The following ARID5B variants were observed in gnomAD, a reference collection of about 807,000 sequenced individuals.
ARID5B encodes AT-rich interactive domain-containing protein 5B.
In ARID5B, 13 loss-of-function variants were observed where a neutral mutation model predicts 97.2. That is an observed-to-expected ratio of 0.13 (90% CI 0.09 to 0.21). ARID5B has a LOEUF of 0.21. ARID5B is among the 10% of genes least tolerant of loss of function. The pLI, the probability that ARID5B is intolerant of heterozygous loss-of-function variation, is 1.00. For synonymous variants in ARID5B, 556 were observed against 570.3 expected, an observed-to-expected ratio of 0.97 and a Z score of 0.36; for missense variants, 1,210 against 1,465.3, an observed-to-expected ratio of 0.83 and a Z score of 2.84.
Position 62,085,902 on chromosome 10 carries a change from T to C in ARID5B, c.1398+2T>C. ...CCAAAGCCCCAGGATGCAGCAGAGG[T>C]GAGTTGCTTTGCTCCATAGAAATAC... On this transcript the variant is annotated splice_donor_variant, in intron 9 of 9. Coordinates refer to ENST00000279873, the MANE Select transcript of ARID5B (RefSeq NM_032199.3). LOFTEE classifies it high-confidence loss of function. 1 of 1,608,596 alleles carries C rather than the reference T, an allele frequency of 6.2e-7. No individual in the cohort carries two copies. The highest frequency in any genetic ancestry group is 8.5e-7 in the Non-Finnish European group (1 of 1,178,730).
intron 2 of ARID5B, among the ~76,000 whole-genome samples, chr10:61,905,225 A>C (rs1469356693): frequency 6.6e-6 from 1 of 152,254 alleles, no homozygotes; most frequent in Non-Finnish European, 1.5e-5. Flanking sequence ...GTTTATTTTA[A>C]GTAACCAAAT....
intron 2 of ARID5B, among the ~76,000 whole-genome samples, chr10:61,913,794 C>G (rs1466839825): frequency 6.6e-6 from 1 of 152,128 alleles, no homozygotes; most frequent in Non-Finnish European, 1.5e-5. Flanking sequence ...TCTTTTTGCC[C>G]AGGCTGGAGT....
chr10:61,941,889 A>G (rs562887869), intron 3 of ARID5B, among the ~76,000 whole-genome samples: 1 of 152,350 alleles, frequency 6.6e-6, no homozygotes, highest in African/African-American at 2.4e-5. Flanking sequence ...CACAATAACT[A>G]GTCTTATGAC....
rs796332432 is a variant in ARID5B at position 62,071,194 on chromosome 10, C to T, written c.1199+1397C>T. On this transcript the variant is annotated intron_variant, in intron 8 of 9. Coordinates refer to ENST00000279873, the MANE Select transcript of ARID5B (RefSeq NM_032199.3). Reference sequence around the variant, plus strand: ...GGGACTACAGGCACGTGCTACCACGCCCAGCTAATTTTTGTATTTTTAGTA... The same window carrying T: ...GGGACTACAGGCACGTGCTACCACGTCCAGCTAATTTTTGTATTTTTAGTA... Among the ~76,000 whole-genome samples, 39 of 152,090 alleles carry T rather than the reference C, an allele frequency of 2.6e-4. 1 individual carries two copies. The highest frequency in any genetic ancestry group is 8.7e-4 in the African/African-American group (36 of 41,490).
At chr10:62,035,217 G>A (rs569657636) in intron 4 of ARID5B, among the ~76,000 whole-genome samples, 1 of 152,310 alleles carries the variant, frequency 6.6e-6, no homozygotes, top group East Asian at 1.9e-4. Flanking sequence ...CCTCTTTAGC[G>A]GCATTTATGT....
intron 4 of ARID5B, among the ~76,000 whole-genome samples, chr10:62,039,058 C>G (rs1293639955): frequency 6.6e-6 from 1 of 152,126 alleles, no homozygotes; most frequent in Admixed American, 6.5e-5. Context: ...AATAAGGATC[C>G]CTTTTGTGCA....
At position 62,095,541 on chromosome 10, in the gene ARID5B, C is replaced by A; in HGVS notation, c.*2511C>A. The A allele has an allele frequency of 4.3e-6, 1 of 233,638 alleles. No homozygotes were observed. 14.5% of individuals were successfully genotyped at this position (233,638 alleles called of 1,614,324 possible). A position where few individuals can be genotyped will look rare whatever the true frequency, so the allele number is the denominator to read the frequency against. ...AGTCCAGCTTTTGTTTTTCTCATCT[C>A]TTCTGAGAGGAGACTCACTGTTTCT... is the stretch of plus-strand genomic sequence containing the variant. On this transcript the variant is annotated 3_prime_UTR_variant, in exon 10 of 10. Coordinates refer to ENST00000279873, the MANE Select transcript of ARID5B (RefSeq NM_032199.3).
intron 4 of ARID5B, among the ~76,000 whole-genome samples, chr10:62,033,262 C>G (rs1039739744): frequency 1.1e-4 from 17 of 152,140 alleles, no homozygotes; most frequent in African/African-American, 4.1e-4. Context: ...GGACACTTGG[C>G]ATAGTCTCTC....
intron 3 of ARID5B, among the ~76,000 whole-genome samples, chr10:61,999,007 C>G (rs1839040209): frequency 6.6e-6 from 1 of 152,218 alleles, no homozygotes. Flanking sequence ...TATAGATGGT[C>G]ACAGCAAAGA....
chr10:61,954,280 C>T (rs1169098356), intron 3 of ARID5B, among the ~76,000 whole-genome samples: 1 of 151,782 alleles, frequency 6.6e-6, no homozygotes, highest in Admixed American at 6.6e-5. Flanking sequence ...TCACTTGAAC[C>T]TGGGGGGTGG....
At chr10:61,914,226 A>C (rs998694238) in intron 2 of ARID5B, among the ~76,000 whole-genome samples, 1 of 152,216 alleles carries the variant, frequency 6.6e-6, no homozygotes, top group Non-Finnish European at 1.5e-5. Flanking sequence ...AAAGTTGGCA[A>C]TGTTGGTAAT....
rs564799073 is a variant in ARID5B, at chr10:61,928,651, G to A, written c.277-11532G>A. Among the ~76,000 whole-genome samples the A allele has an allele frequency of 2.6e-5, 4 of 152,242 alleles. No homozygotes were observed. The South Asian group carries it at 8.3e-4, about 32-fold the overall frequency. ...TTGGTTTCCTGTTGGGATTCTGACT[G>A]ATACAAGGAGAGTCCTTGAAATCTA... On this transcript the variant is annotated intron_variant, in intron 2 of 9. Transcript: ENST00000279873.
rs570670460 is a variant in ARID5B, at chr10:61,990,281, C to T, written c.503-9810C>T. Among the ~76,000 whole-genome samples, 4 of 152,302 alleles carry T rather than the reference C, an allele frequency of 2.6e-5. No homozygotes were observed. In the South Asian group the frequency reaches 8.3e-4, roughly 32 times the overall value. ...CAGTGCAGTTGCAGAGGTGGCTCAGCACTTAGAGCATGGTGGACAAACTCC... is the reference window on the plus strand; with the variant it reads ...CAGTGCAGTTGCAGAGGTGGCTCAGTACTTAGAGCATGGTGGACAAACTCC... On this transcript the variant is annotated intron_variant, in intron 3 of 9. Coordinates refer to ENST00000279873, the MANE Select transcript of ARID5B (RefSeq NM_032199.3).
chr10:61,991,182 G>T (rs1281938353), intron 3 of ARID5B, among the ~76,000 whole-genome samples: 1 of 152,002 alleles, frequency 6.6e-6, no homozygotes, highest in Non-Finnish European at 1.5e-5. Flanking sequence ...AACTGTTTTT[G>T]AGTCCTTGTT....
At chr10:61,901,979 T>A (rs1489284481) in intron 1 of ARID5B, among the ~76,000 whole-genome samples, 180 bp from the exon 2 acceptor site, 1 of 151,116 alleles carries the variant, frequency 6.6e-6, no homozygotes, top group Non-Finnish European at 1.5e-5. Context: ...CTGAGTTTTT[T>A]TTTTTTTTTT....
At chr10:61,982,940 G>A (rs1410185098) in intron 3 of ARID5B, among the ~76,000 whole-genome samples, 2 of 152,240 alleles carry the variant, frequency 1.3e-5, no homozygotes, top group Non-Finnish European at 2.9e-5. Flanking sequence ...ATCAGAAAGA[G>A]TAAGGATGAC....
At position 61,940,396 on chromosome 10, in the gene ARID5B, A is replaced by G. The variant is rs1368129255; in HGVS notation, c.490A>G (p.Lys164Glu). The G allele has an allele frequency of 6.2e-7, 1 of 1,613,332 alleles. No homozygotes were observed. Among genetic ancestry groups the G allele is most frequent in the Non-Finnish European group, 8.5e-7 (1 of 1,179,618 alleles). ...CAACTTCAAAGACGTTCTCAAGGAG[A>G]AGGCAGACCTGGGTAAATATGACTT... is the stretch of plus-strand genomic sequence containing the variant. Reference protein sequence around the residue: ...GLNFKDVLKEKADLGEDEEET... With the variant: ...GLNFKDVLKEEADLGEDEEET... Residue 164 changes from lysine to glutamate, a missense_variant, in exon 3 of 10, where the codon AAG (lysine) becomes GAG (glutamate). Coordinates refer to ENST00000279873, the MANE Select transcript of ARID5B (RefSeq NM_032199.3).
intron 3 of ARID5B, among the ~76,000 whole-genome samples, chr10:61,961,870 C>T (rs962891285): frequency 2.0e-5 from 3 of 152,196 alleles, no homozygotes; most frequent in Admixed American, 2.0e-4. Flanking sequence ...GCCTCAGCCT[C>T]CCAAGTAGCT....
At chr10:62,013,465 T>C (rs999184961) in intron 4 of ARID5B, among the ~76,000 whole-genome samples, 13 of 152,144 alleles carry the variant, frequency 8.5e-5, no homozygotes, top group Admixed American at 8.5e-4. Context: ...TTAAAATCTA[T>C]TCTCTTAGCA....
Sources: allele counts gnomAD v4.1 joint callset (sites outside exome capture counted in the v4.1 genomes callset), GRCh38; gene constraint gnomAD v4.1.1; transcripts MANE v1.5; gene names NCBI Gene and HGNC (gene_info 2026-07-23, HGNC 2026-07-21).